The following SKAP1 variants were observed in gnomAD, a reference collection of about 807,000 sequenced individuals.
The protein encoded by SKAP1 is src kinase associated phosphoprotein 1, also known as src kinase-associated phosphoprotein 1.
Under a neutral mutation model 58.5 loss-of-function variants are expected in SKAP1, and 44 were observed. That is an observed-to-expected ratio of 0.75 (90% CI 0.59 to 0.97). The LOEUF (loss-of-function observed/expected upper bound fraction) is 0.97, where lower values mean the gene tolerates loss of function less well. Ranked by LOEUF, SKAP1 falls within the 50% of genes least tolerant of loss-of-function variation. The probability of loss-of-function intolerance (pLI) is 0.00; values close to 1 mark genes in which losing one functional copy is unlikely to be tolerated. For synonymous variants in SKAP1, 127 were observed against 149.7 expected, an observed-to-expected ratio of 0.85 and a Z score of 1.11; for missense variants, 390 against 435.2, an observed-to-expected ratio of 0.90 and a Z score of 0.92.
At chr17:48,429,849 G>A (rs560577356) in intron 1 of SKAP1, among the ~76,000 whole-genome samples, 71 of 152,316 alleles carry the variant, frequency 4.7e-4, no homozygotes, top group African/African-American at 1.6e-3. Flanking sequence ...AAGTGGAGGC[G>A]TGGAGGTGCC....
At chr17:48,256,699 GC>G (rs1194274104) in intron 4 of SKAP1, among the ~76,000 whole-genome samples, 1 of 152,140 alleles carries the variant, frequency 6.6e-6, no homozygotes, top group African/African-American at 2.4e-5. Context: ...AAAGGACATT[GC>G]CTATGAAAGG....
intron 4 of SKAP1, among the ~76,000 whole-genome samples, chr17:48,221,286 A>C (rs1279255138): frequency 6.6e-6 from 1 of 152,126 alleles, no homozygotes; most frequent in Non-Finnish European, 1.5e-5. Context: ...ATAAATAAAT[A>C]AATCATTGAG....
intron 4 of SKAP1, among the ~76,000 whole-genome samples, chr17:48,247,568 A>C (rs1429170135): frequency 6.6e-6 from 1 of 152,204 alleles, no homozygotes; most frequent in Non-Finnish European, 1.5e-5. Flanking sequence ...TTAGTTGCTG[A>C]CCAAAGTTTG....
chr17:48,405,450 T>TTTC (rs1441641292), intron 1 of SKAP1, among the ~76,000 whole-genome samples: 6,289 of 93,852 alleles, frequency 0.067, 238 homozygotes, highest in Non-Finnish European at 0.072. Context: ...TCTTTCTTTC[T>TTTC]TTTCTTTCTT....
chr17:48,414,604 C>A (rs1009301203), intron 1 of SKAP1, among the ~76,000 whole-genome samples: 8 of 152,184 alleles, frequency 5.3e-5, no homozygotes, highest in African/African-American at 1.9e-4. Flanking sequence ...TAATTCATAG[C>A]TGCCCTAAAA....
Position 48,292,698 on chromosome 17 carries a change from T to C in SKAP1, c.280+53207A>G, listed in dbSNP as rs2065913306. On this transcript the variant is annotated intron_variant, in intron 4 of 12. Coordinates refer to ENST00000336915, the MANE Select transcript of SKAP1 (RefSeq NM_003726.4). The stretch of plus-strand genomic sequence containing the variant: ...AAGCTTCTTCAGAAAGTCACTGAAT[T>C]TTGGGCATGGGGAGATATGGTAAGT... Among the ~76,000 whole-genome samples, 12 of 152,266 alleles carry C rather than the reference T, an allele frequency of 7.9e-5. No individual in the cohort carries two copies. In the South Asian group the frequency reaches 2.5e-3, roughly 32 times the overall value.
At chr17:48,256,453 A>G (rs2065424754) in intron 4 of SKAP1, among the ~76,000 whole-genome samples, 1 of 152,130 alleles carries the variant, frequency 6.6e-6, no homozygotes, top group Non-Finnish European at 1.5e-5. Context: ...AGAAACAAAA[A>G]TATTTTCAGG....
At chr17:48,303,801 T>G (rs1370946638) in intron 4 of SKAP1, among the ~76,000 whole-genome samples, 6 of 152,200 alleles carry the variant, frequency 3.9e-5, no homozygotes, top group African/African-American at 1.4e-4. Flanking sequence ...GGTTGCTAGA[T>G]AATAAGGGGA....
At chr17:48,155,817 G>A (rs983318469) in intron 11 of SKAP1, among the ~76,000 whole-genome samples, 42 of 152,154 alleles carry the variant, frequency 2.8e-4, no homozygotes, top group Non-Finnish European at 1.3e-4. Flanking sequence ...AGACCGCGCC[G>A]CTGCATTCCA....
At chr17:48,424,480 C>G (rs1392333995) in intron 1 of SKAP1, among the ~76,000 whole-genome samples, 3 of 151,606 alleles carry the variant, frequency 2.0e-5, no homozygotes, top group Non-Finnish European at 4.4e-5. Flanking sequence ...CCACCTCAGC[C>G]TCCCAAAGTG....
intron 1 of SKAP1, among the ~76,000 whole-genome samples, chr17:48,418,984 A>G (rs1401064412): frequency 2.0e-5 from 3 of 152,148 alleles, no homozygotes; most frequent in South Asian, 2.1e-4. Flanking sequence ...GTGGTCACAT[A>G]GGTGTCTATA....
At chr17:48,315,034 C>T (rs949030865) in intron 4 of SKAP1, among the ~76,000 whole-genome samples, 8 of 152,186 alleles carry the variant, frequency 5.3e-5, no homozygotes, top group Admixed American at 3.9e-4. Flanking sequence ...GATGCCTATA[C>T]TGTGAGAGAA....
At chr17:48,431,745 A>G (rs1445108428), upstream of SKAP1, among the ~76,000 whole-genome samples, 1 of 152,104 alleles carries the variant, frequency 6.6e-6, no homozygotes, top group Non-Finnish European at 1.5e-5. Context: ...CTCAACCTAC[A>G]GAATATGTAG....
At position 48,385,297 on chromosome 17, in the gene SKAP1, T is replaced by C. The variant is rs536672421; in HGVS notation, c.152+11383A>G. On this transcript the variant is annotated intron_variant, in intron 2 of 12. Coordinates refer to ENST00000336915, the MANE Select transcript of SKAP1 (RefSeq NM_003726.4). ...CAGAAATAGCTACTCTAGGCTTCTATTTCAAGAAGTTTGCCTGCACAAAAT... is the reference window on the plus strand; with the variant it reads ...CAGAAATAGCTACTCTAGGCTTCTACTTCAAGAAGTTTGCCTGCACAAAAT... Among the ~76,000 whole-genome samples, 71 of 132,888 alleles carry C rather than the reference T, an allele frequency of 5.3e-4. 1 individual carries two copies. Among genetic ancestry groups the C allele is most frequent in the Admixed American group, 1.6e-3 (20 of 12,500 alleles). The allele number at this position is 132,888 out of a possible 152,430, so 87.2% of individuals were successfully genotyped here. A position where few individuals can be genotyped will look rare whatever the true frequency, so the allele number is the denominator to read the frequency against.
At chr17:48,248,470 G>A (rs1467019611) in intron 4 of SKAP1, among the ~76,000 whole-genome samples, 1 of 152,162 alleles carries the variant, frequency 6.6e-6, no homozygotes, top group Admixed American at 6.5e-5. Context: ...ATGAGGCTGA[G>A]GCAGAAGAAT....
intron 10 of SKAP1, among the ~76,000 whole-genome samples, chr17:48,170,205 C>T (rs1216591752): frequency 6.6e-6 from 1 of 152,230 alleles, no homozygotes; most frequent in East Asian, 1.9e-4. Context: ...TGACACATTT[C>T]CATTCCCCTC....
chr17:48,375,994 T>A (rs2067145988), intron 2 of SKAP1, among the ~76,000 whole-genome samples: 1 of 152,166 alleles, frequency 6.6e-6, no homozygotes, highest in African/African-American at 2.4e-5. Flanking sequence ...CAGAGACGCC[T>A]TTCGGTTCCA....
At chr17:48,434,495 C>T (rs1598698672), upstream of SKAP1, among the ~76,000 whole-genome samples, 1 of 152,288 alleles carries the variant, frequency 6.6e-6, no homozygotes, top group African/African-American at 2.4e-5. Flanking sequence ...AATACACTTC[C>T]AATGGTCTCC....
intron 10 of SKAP1, among the ~76,000 whole-genome samples, chr17:48,169,996 G>A (rs192156854): frequency 6.8e-4 from 104 of 152,300 alleles, no homozygotes; most frequent in African/African-American, 2.2e-3. Flanking sequence ...AGGCTTCAGA[G>A]GGGCATCTGA....
Sources: gnomAD v4.1 joint callset for allele counts (sites outside exome capture counted in the v4.1 genomes callset) on GRCh38, gnomAD v4.1.1 for gene constraint, MANE v1.5 for transcripts, NCBI Gene and HGNC (gene_info 2026-07-23, HGNC 2026-07-21) for gene names.